GALNT14: variants seen among roughly 807,000 people sequenced by gnomAD.
The protein encoded by GALNT14 is polypeptide N-acetylgalactosaminyltransferase 14.
Under a neutral mutation model 77.5 loss-of-function variants are expected in GALNT14, and 60 were observed. That is an observed-to-expected ratio of 0.77 (90% CI 0.63 to 0.96). The LOEUF is 0.96. Ranked by LOEUF, GALNT14 falls within the 40% of genes least tolerant of loss-of-function variation. The pLI is 0.00. For missense variants in GALNT14, 710 were observed against 731.0 expected (o/e 0.97, Z 0.33); for synonymous variants, 280 against 281.7 (o/e 0.99, Z 0.06).
At chr2:31,024,072 T>C (rs1671897930) in intron 1 of GALNT14, among the ~76,000 whole-genome samples, 1 of 143,494 alleles carries the variant, frequency 7.0e-6, no homozygotes, top group African/African-American at 2.6e-5. Flanking sequence ...GGCAAATCCA[T>C]GCTTCCCATT....
chr2:30,903,936 T>A, the GALNT14 span, among the ~76,000 whole-genome samples: 1 of 152,332 alleles, frequency 6.6e-6, no homozygotes, highest in South Asian at 2.1e-4. Context: ...CATAACCCAT[T>A]CCTAGGGCAC....
chr2:31,031,849 G>A, intron 1 of GALNT14, among the ~76,000 whole-genome samples: 1 of 152,232 alleles, frequency 6.6e-6, no homozygotes, highest in Non-Finnish European at 1.5e-5. Context: ...CCACAGAGGG[G>A]CAAGAGCATG....
intron 1 of GALNT14, among the ~76,000 whole-genome samples, chr2:30,994,964 C>T (rs1370602631): frequency 6.6e-6 from 1 of 152,068 alleles, no homozygotes; most frequent in African/African-American, 2.4e-5. Flanking sequence ...GTGAGGGGAA[C>T]TGGGGACAGC....
In GALNT14 at chr2:31,047,505, G is replaced by C. The variant is rs1673538391; in HGVS notation, c.130-54498C>G. On this transcript the variant is annotated intron_variant, in intron 1 of 14. Transcript: ENST00000349752. ...TCTGGGCCTGAAGAGCTTCAGAATT[G>C]GTCCTTTCTGAGGACCCTGTACTCT... Among the ~76,000 whole-genome samples, 8 of 152,236 alleles carry C rather than the reference G, an allele frequency of 5.3e-5. No individual in the cohort carries two copies. In the South Asian group the frequency reaches 1.5e-3, roughly 28 times the overall value.
intron 1 of GALNT14, among the ~76,000 whole-genome samples, chr2:31,137,173 C>T (rs1339014408): frequency 1.3e-5 from 2 of 152,214 alleles, no homozygotes; most frequent in African/African-American, 2.4e-5. Flanking sequence ...CTTTTGTCAA[C>T]TGATTTTCAG....
intron 1 of GALNT14, among the ~76,000 whole-genome samples, chr2:31,029,485 C>T (rs1020706289): frequency 3.3e-5 from 5 of 152,204 alleles, no homozygotes; most frequent in Non-Finnish European, 5.9e-5. Context: ...TAATACAATA[C>T]AACGTAGTTA....
intron 1 of GALNT14, among the ~76,000 whole-genome samples, chr2:31,090,265 A>C (rs1676661645): frequency 6.6e-6 from 1 of 152,162 alleles, no homozygotes; most frequent in Non-Finnish European, 1.5e-5. Context: ...CTTCTAGCCA[A>C]GCTCTGACGA....
intron 2 of GALNT14, among the ~76,000 whole-genome samples, chr2:30,989,625 T>G (rs1481095838): frequency 2.3e-5 from 3 of 132,322 alleles, no homozygotes; most frequent in Admixed American, 1.7e-4. Context: ...TATATTAGTA[T>G]ATATAAAAAT....
At chr2:30,906,705 G>A (rs931636449), downstream of GALNT14, among the ~76,000 whole-genome samples, 18 of 152,100 alleles carry the variant, frequency 1.2e-4, no homozygotes, top group African/African-American at 2.4e-4. Context: ...TGCACCAAGC[G>A]GACCTAATAA....
At chr2:30,937,517 T>A (rs532244887) in intron 9 of GALNT14, among the ~76,000 whole-genome samples, 1 of 152,304 alleles carries the variant, frequency 6.6e-6, no homozygotes, top group Admixed American at 6.5e-5. Context: ...GGACTGAGGT[T>A]CCCTTTTCCA....
intron 1 of GALNT14, among the ~76,000 whole-genome samples, chr2:31,122,944 G>A (rs1678487164): frequency 6.6e-6 from 1 of 152,142 alleles, no homozygotes; most frequent in Non-Finnish European, 1.5e-5. Context: ...CACTTTGGGA[G>A]GCCGAGGCGG....
intron 6 of GALNT14, among the ~76,000 whole-genome samples, chr2:30,954,651 G>A (rs1194429089): frequency 2.0e-5 from 3 of 152,194 alleles, no homozygotes; most frequent in South Asian, 2.1e-4. Context: ...CTGAGCAGAC[G>A]ACATAGCTTG....
intron 8 of GALNT14, 147 bp downstream of exon 8, chr2:30,944,710 TA>T: frequency 1.7e-6 from 1 of 584,748 alleles, no homozygotes; most frequent in Non-Finnish European, 2.8e-6. Flanking sequence ...AGAAACCTCC[TA>T]AAATAAAGGC....
intron 1 of GALNT14, among the ~76,000 whole-genome samples, chr2:31,043,602 C>A (rs1673238454): frequency 6.6e-6 from 1 of 151,936 alleles, no homozygotes; most frequent in South Asian, 2.1e-4. Flanking sequence ...GGGCTCCAGA[C>A]AAGATATTAA....
At chr2:30,922,362 GAGATCTCATAGCATCCTGTTTCCC>G (rs200133893) in intron 13 of GALNT14, among the ~76,000 whole-genome samples, 2 of 152,120 alleles carry the variant, frequency 1.3e-5, no homozygotes, top group East Asian at 3.9e-4. Context: ...ACCCTCTCCT[GAGATCTCATAGCATCCTGTTTCCC>G]AGAACAAAAC....
intron 1 of GALNT14, among the ~76,000 whole-genome samples, chr2:31,004,782 T>A (rs1041427749): frequency 6.6e-6 from 1 of 152,104 alleles, no homozygotes; most frequent in African/African-American, 2.4e-5. Context: ...AAGCCAGGCT[T>A]CTCTCCCCTC....
chr2:31,019,935 GC>G (rs990033218), intron 1 of GALNT14, among the ~76,000 whole-genome samples: 1 of 152,184 alleles, frequency 6.6e-6, no homozygotes, highest in African/African-American at 2.4e-5. Context: ...GTATGAAATT[GC>G]ACTTGAGTAA....
At chr2:31,122,964 G>A (rs536760567) in intron 1 of GALNT14, among the ~76,000 whole-genome samples, 57 of 152,112 alleles carry the variant, frequency 3.7e-4, no homozygotes, top group African/African-American at 1.3e-3. Context: ...GGCGGATCAC[G>A]AGGTCAGGAG....
At chr2:31,103,584 C>G (rs1045890084) in intron 1 of GALNT14, among the ~76,000 whole-genome samples, 2 of 152,068 alleles carry the variant, frequency 1.3e-5, no homozygotes, top group African/African-American at 4.8e-5. Context: ...TAGTCAATAA[C>G]ATCCTCTTTC....
Sources: allele counts gnomAD v4.1 joint callset (sites outside exome capture counted in the v4.1 genomes callset), GRCh38; gene constraint gnomAD v4.1.1; transcripts MANE v1.5; gene names NCBI Gene and HGNC (gene_info 2026-07-23, HGNC 2026-07-21).